Variants in ARNT2 observed in about 807,000 individuals in gnomAD.
The protein encoded by ARNT2 is aryl hydrocarbon receptor nuclear translocator 2, also known as ARNT protein 2.
In ARNT2, 36 loss-of-function variants were observed where a neutral mutation model predicts 91.7. The ratio of observed to expected loss-of-function variants is 0.39; its 90% CI spans 0.30 to 0.52. The LOEUF (loss-of-function observed/expected upper bound fraction) is 0.52, where lower values mean the gene tolerates loss of function less well. ARNT2 is among the 20% of genes least tolerant of loss of function. The pLI is 0.72. For missense variants in ARNT2, 775 were observed against 939.3 expected (o/e 0.83, Z 2.29); for synonymous variants, 365 against 347.1 (o/e 1.05, Z -0.57).
At chr15:80,405,890 A>AAG (rs898656976) in intron 1 of ARNT2, among the ~76,000 whole-genome samples, 1 of 151,266 alleles carries the variant, frequency 6.6e-6, no homozygotes, top group South Asian at 2.1e-4. Context: ...TAAAATAGAA[A>AAG]AGAGAGAGAG....
At chr15:80,555,973 ACT>A (rs918862617) in intron 11 of ARNT2, 1 of 147,350 alleles carries the variant, frequency 6.8e-6, no homozygotes, top group African/African-American at 2.5e-5. Flanking sequence ...TCACTCACTC[ACT>A]CACTCACTCA....
Position 80,421,841 on chromosome 15 carries a change from G to A in ARNT2, c.31+17295G>A, listed in dbSNP as rs1016846719. 2.0e-5 allele frequency among the ~76,000 whole-genome samples: 3 copies of A among 152,252 alleles called. 1 individual carries two copies. The South Asian group carries it at 6.2e-4, about 32-fold the overall frequency. ...TTCCTAGTGAGATACTCATTACCAG[G>A]TTTCAGGGTCCAGTTGAAGGCAGTC... On this transcript the variant is annotated intron_variant, in intron 1 of 18. Transcript: ENST00000303329.
At chr15:80,445,611 G>A (rs891449289) in intron 1 of ARNT2, among the ~76,000 whole-genome samples, 3 of 151,818 alleles carry the variant, frequency 2.0e-5, no homozygotes, top group East Asian at 1.9e-4. Context: ...GGAGGAGGCC[G>A]GTGCAGCATG....
At chr15:80,439,612 T>C (rs1896155763) in intron 1 of ARNT2, among the ~76,000 whole-genome samples, 1 of 152,250 alleles carries the variant, frequency 6.6e-6, no homozygotes, top group South Asian at 2.1e-4. Flanking sequence ...TTCCATAAGT[T>C]ATGAGCTTTT....
At chr15:80,441,241 A>G (rs1322095889) in intron 1 of ARNT2, 9 of 985,434 alleles carry the variant, frequency 9.1e-6, no homozygotes, top group Non-Finnish European at 1.1e-5. Context: ...ATCTGTGATG[A>G]CATTTTCTCA....
intron 1 of ARNT2, among the ~76,000 whole-genome samples, chr15:80,414,188 C>G (rs1042484943): frequency 6.6e-6 from 1 of 152,224 alleles, no homozygotes; most frequent in Non-Finnish European, 1.5e-5. Context: ...TGCTTCTCAA[C>G]TGGGGGCATT....
At chr15:80,427,695 G>T (rs543950459) in intron 1 of ARNT2, among the ~76,000 whole-genome samples, 1 of 152,202 alleles carries the variant, frequency 6.6e-6, no homozygotes, top group East Asian at 1.9e-4. Context: ...TAGTCACAGC[G>T]AGAATCCTTA....
chr15:80,549,201 T>C (rs1444515435), intron 8 of ARNT2, among the ~76,000 whole-genome samples: 3 of 151,996 alleles, frequency 2.0e-5, no homozygotes, highest in Non-Finnish European at 4.4e-5. Flanking sequence ...TAGATTAATA[T>C]CCCAAAACTC....
At chr15:80,448,749 C>T (rs7168368) in intron 1 of ARNT2, among the ~76,000 whole-genome samples, 27,184 of 151,998 alleles carry the variant, frequency 0.18, 2,470 homozygotes, top group South Asian at 0.24. Flanking sequence ...TTTGGGAGGC[C>T]GAGGTGGGCA....
rs1460570225 is a variant in ARNT2, at chr15:80,594,647, T to G, written c.*949T>G. 6.6e-6 allele frequency: 1 copy of G among 152,350 alleles called. No individual in the cohort carries two copies. The highest frequency in any genetic ancestry group is 6.5e-5 in the Admixed American group (1 of 15,290). 9.4% of individuals were successfully genotyped at this position (152,350 alleles called of 1,614,324 possible). A position where few individuals can be genotyped will look rare whatever the true frequency, so the allele number is the denominator to read the frequency against. On this transcript the variant is annotated 3_prime_UTR_variant, in exon 19 of 19. Coordinates refer to ENST00000303329, the MANE Select transcript of ARNT2 (RefSeq NM_014862.4). ...CTCCTCCCAATTGGATCTGAATAGC[T>G]GTGTTCCTGATCCCACATAAGCATG...
chr15:80,556,952 G>T (rs535114104), intron 11 of ARNT2: 1 of 152,248 alleles, frequency 6.6e-6, no homozygotes, highest in Admixed American at 6.5e-5. Context: ...GAATAGAGCG[G>T]GCAGTGTTCT....
chr15:80,591,730 C>A lies in ARNT2; in HGVS notation c.2055+26C>A. On this transcript the variant is annotated intron_variant, in intron 18 of 18. Coordinates refer to ENST00000303329, the MANE Select transcript of ARNT2 (RefSeq NM_014862.4). This position sits in a 1 kb window ranked among gnomAD's most constrained non-coding sequence, Gnocchi z 5.1. Reference sequence around the variant, plus strand: ...GTAAATCGAGCGAGCACCGCCTTCTCGTAGGTACCGGCGCCTTCTCTCTGC... The same window carrying A: ...GTAAATCGAGCGAGCACCGCCTTCTAGTAGGTACCGGCGCCTTCTCTCTGC... 6.2e-7 allele frequency: 1 copy of A among 1,613,086 alleles called. No homozygotes were observed. Among genetic ancestry groups the A allele is most frequent in the South Asian group, 1.1e-5 (1 of 91,032 alleles).
chr15:80,411,349 C>T (rs1333294346), intron 1 of ARNT2, among the ~76,000 whole-genome samples: 1 of 152,144 alleles, frequency 6.6e-6, no homozygotes, highest in African/African-American at 2.4e-5. Flanking sequence ...ACAATAGATA[C>T]CCAGTAGGGT....
rs1893326624 is a variant in ARNT2, at chr15:80,593,731, G to A, written c.*33G>A. On this transcript the variant is annotated 3_prime_UTR_variant, in exon 19 of 19. Transcript: ENST00000303329. ...CAGAGTGAGGCTCCTGCTGTACAGT[G>A]CCACCCATACTGTGATGTCGATGCC... 1.9e-6 allele frequency: 3 copies of A among 1,554,352 alleles called. No homozygotes were observed. The highest frequency in any genetic ancestry group is 3.6e-5 in the Admixed American group (2 of 55,178).
At chr15:80,571,641 C>G (rs1898585234) in intron 12 of ARNT2, among the ~76,000 whole-genome samples, 1 of 152,224 alleles carries the variant, frequency 6.6e-6, no homozygotes, top group South Asian at 2.1e-4. Context: ...TATTAGGCAG[C>G]CTTGCTCACC....
chr15:80,430,358 G>A (rs1895991412), intron 1 of ARNT2, among the ~76,000 whole-genome samples: 1 of 152,122 alleles, frequency 6.6e-6, no homozygotes, highest in South Asian at 2.1e-4. Context: ...CCAGAGTTAG[G>A]TTCACCTCAT....
intron 8 of ARNT2, among the ~76,000 whole-genome samples, chr15:80,529,995 C>A (rs1044167878): frequency 6.6e-6 from 1 of 152,102 alleles, no homozygotes; most frequent in African/African-American, 2.4e-5. Context: ...TAGGCTTTTT[C>A]CTCTTTTCTT....
At position 80,576,929 on chromosome 15, in the gene ARNT2, G is replaced by T; in HGVS notation, c.1577G>T (p.Ser526Ile). ...AGTQQIYSQG[S>I]PFPSGHSGKA... Reference sequence around the variant, plus strand: ...ACCCAGCAGATCTACTCCCAAGGAAGCCCATTTCCCTCTGGACACTCCGGG... The same window carrying T: ...ACCCAGCAGATCTACTCCCAAGGAATCCCATTTCCCTCTGGACACTCCGGG... The change falls in exon 15 of 19, where the codon AGC (serine) becomes ATC (isoleucine). Residue 526 changes from serine (S) to isoleucine (I), a missense_variant. By Grantham distance (142) the Ser-to-Ile change is moderately radical. Around this residue, in one of 5 missense-constraint regions of ARNT2, gnomAD observed 325 missense variants for 359.9 expected, o/e 0.90. Transcript: ENST00000303329. The T allele has an allele frequency of 2.5e-6, 4 of 1,614,104 alleles. No individual in the cohort carries two copies. Among genetic ancestry groups the T allele is most frequent in the Non-Finnish European group, 3.4e-6 (4 of 1,180,038 alleles).
chr15:80,425,383 T>C (rs1895918559), intron 1 of ARNT2, among the ~76,000 whole-genome samples: 1 of 152,178 alleles, frequency 6.6e-6, no homozygotes, highest in Non-Finnish European at 1.5e-5. Context: ...CTAGTGGCTA[T>C]CCTTCTGAGA....
Sources: gnomAD v4.1 joint callset for allele counts (sites outside exome capture counted in the v4.1 genomes callset) on GRCh38, gnomAD v4.1.1 for gene constraint, gnomAD v4.1.1 regional missense constraint, Gnocchi (gnomAD v3.1) non-coding constraint, MANE v1.5 for transcripts, NCBI Gene and HGNC (gene_info 2026-07-23, HGNC 2026-07-21) for gene names.